The following TASP1 variants were observed in gnomAD, a reference collection of about 807,000 sequenced individuals.
TASP1 encodes threonine aspartase 1.
Under a neutral mutation model 56.6 loss-of-function variants are expected in TASP1, and 16 were observed. The ratio of observed to expected loss-of-function variants is 0.28; its 90% confidence interval spans 0.19 to 0.43. TASP1 has a LOEUF of 0.43. Ranked by LOEUF, TASP1 falls within the 20% of genes least tolerant of loss-of-function variation. TASP1 has a pLI of 1.00. For missense variants in TASP1, 393 were observed against 511.6 expected (o/e 0.77, Z 2.24); for synonymous variants, 179 against 184.2 (o/e 0.97, Z 0.23).
intron 4 of TASP1, among the ~76,000 whole-genome samples, chr20:13,591,359 A>G (rs1251435448): frequency 6.6e-6 from 1 of 152,180 alleles, no homozygotes; most frequent in African/African-American, 2.4e-5. Context: ...AAAAAGACAC[A>G]TGTGAAAATG....
At chr20:13,185,776 A>G in the TASP1 span, among the ~76,000 whole-genome samples, 1 of 152,190 alleles carries the variant, frequency 6.6e-6, no homozygotes, top group South Asian at 2.1e-4. Flanking sequence ...AACTATAAAC[A>G]TACTCATTTT....
At chr20:13,242,514 C>CA in the TASP1 span, among the ~76,000 whole-genome samples, 1 of 151,934 alleles carries the variant, frequency 6.6e-6, no homozygotes. Context: ...CGAGAAGGTC[C>CA]AGTAAAAGGT....
chr20:13,163,190 A>C, the TASP1 span, among the ~76,000 whole-genome samples: 1 of 151,942 alleles, frequency 6.6e-6, no homozygotes, highest in Admixed American at 6.6e-5. Flanking sequence ...CAACATGGTG[A>C]AACCCCATCT....
At chr20:13,592,498 C>T (rs2047571506) in intron 4 of TASP1, among the ~76,000 whole-genome samples, 1 of 151,896 alleles carries the variant, frequency 6.6e-6, no homozygotes, top group African/African-American at 2.4e-5. Context: ...ATTATAAGAG[C>T]ATAGACAGCT....
intron 6 of TASP1, among the ~76,000 whole-genome samples, chr20:13,576,377 G>C (rs1214284003): frequency 5.6e-5 from 4 of 71,212 alleles, no homozygotes; most frequent in Non-Finnish European, 1.5e-4. Context: ...AAGAAAGAAA[G>C]AAAGAAAGAA....
chr20:13,328,438 C>T, the TASP1 span, among the ~76,000 whole-genome samples: 1 of 152,108 alleles, frequency 6.6e-6, no homozygotes, highest in African/African-American at 2.4e-5. Context: ...ATCATTTGAC[C>T]AGCAATCCCA....
intron 11 of TASP1, among the ~76,000 whole-genome samples, chr20:13,465,743 A>G (rs927854723): frequency 2.0e-5 from 3 of 150,988 alleles, no homozygotes; most frequent in African/African-American, 7.3e-5. Flanking sequence ...CTAAAAGGTC[A>G]CATACTGAAT....
At chr20:13,572,146 T>C (rs982844486) in intron 6 of TASP1, among the ~76,000 whole-genome samples, 1 of 152,188 alleles carries the variant, frequency 6.6e-6, no homozygotes, top group Admixed American at 6.5e-5. Context: ...TCGAGCTTCA[T>C]AAGGGTGGAG....
the TASP1 span, among the ~76,000 whole-genome samples, chr20:13,363,837 A>AGT: frequency 1.6e-4 from 24 of 152,194 alleles, no homozygotes; most frequent in African/African-American, 4.8e-4. Flanking sequence ...TGCATTGAGT[A>AGT]GTGTGTGTGA....
intron 8 of TASP1, 131 bp downstream of exon 8, chr20:13,558,877 T>C: frequency 2.2e-6 from 1 of 449,722 alleles, no homozygotes; most frequent in East Asian, 3.4e-5. Flanking sequence ...ATGTAGCTAC[T>C]GAAAAACTTT....
At chr20:13,284,785 G>T in the TASP1 span, among the ~76,000 whole-genome samples, 1 of 152,114 alleles carries the variant, frequency 6.6e-6, no homozygotes, top group Admixed American at 6.5e-5. Flanking sequence ...GCCACATGGC[G>T]AGTTCTATGC....
chr20:13,571,917 C>T (rs969269916), intron 6 of TASP1, among the ~76,000 whole-genome samples: 1 of 152,130 alleles, frequency 6.6e-6, no homozygotes, highest in Non-Finnish European at 1.5e-5. Context: ...CTGGCTCTTT[C>T]CCTATTTCCC....
chr20:13,248,369 A>T, the TASP1 span, among the ~76,000 whole-genome samples: 1 of 152,104 alleles, frequency 6.6e-6, no homozygotes, highest in Non-Finnish European at 1.5e-5. Flanking sequence ...GGAAAATTTG[A>T]TATTCTTTTG....
chr20:13,137,511 T>C, the TASP1 span, among the ~76,000 whole-genome samples: 23 of 152,300 alleles, frequency 1.5e-4, 2 homozygotes, highest in East Asian at 4.4e-3. Context: ...TATAGTGTTA[T>C]ATTTTATGAT....
chr20:13,255,825 C>T, the TASP1 span, among the ~76,000 whole-genome samples: 10 of 152,218 alleles, frequency 6.6e-5, no homozygotes, highest in East Asian at 3.9e-4. Flanking sequence ...ACAAGGGGTC[C>T]GCTGTGCCCC....
At chr20:13,588,293 G>GGAA (rs1568618126) in intron 4 of TASP1, among the ~76,000 whole-genome samples, 1 of 119,352 alleles carries the variant, frequency 8.4e-6, no homozygotes, top group African/African-American at 3.1e-5. Flanking sequence ...AAGGAAGGAA[G>GGAA]GAAGGAAGGA....
the TASP1 span, among the ~76,000 whole-genome samples, chr20:13,227,129 T>G: frequency 6.6e-6 from 1 of 152,228 alleles, no homozygotes; most frequent in South Asian, 2.1e-4. Context: ...TCTTTCTTCC[T>G]TTTAGAATTT....
At chr20:13,148,561 CA>C in the TASP1 span, among the ~76,000 whole-genome samples, 1 of 152,182 alleles carries the variant, frequency 6.6e-6, no homozygotes, top group Non-Finnish European at 1.5e-5. Context: ...TCATGCCAAA[CA>C]AGAGGCTACC....
the TASP1 span, among the ~76,000 whole-genome samples, chr20:13,221,010 G>C: frequency 6.6e-6 from 1 of 152,114 alleles, no homozygotes; most frequent in Non-Finnish European, 1.5e-5. Context: ...GGGCGCCCCG[G>C]CTACCGCCAA....
Sources: gnomAD v4.1 joint callset for allele counts (sites outside exome capture counted in the v4.1 genomes callset) on GRCh38, gnomAD v4.1.1 for gene constraint, MANE v1.5 for transcripts, NCBI Gene and HGNC (gene_info 2026-07-23, HGNC 2026-07-21) for gene names.